The following SLC9A3 variants were observed in gnomAD, a reference collection of about 807,000 sequenced individuals.
SLC9A3 encodes solute carrier family 9 member A3.
Under a neutral mutation model 86.8 loss-of-function variants are expected in SLC9A3, and 37 were observed. The observed-to-expected ratio is 0.43, with a 90% CI of 0.33 to 0.56. SLC9A3 has a LOEUF of 0.56. Ranked by LOEUF, SLC9A3 falls within the 20% of genes least tolerant of loss-of-function variation. SLC9A3 has a pLI of 0.06. For synonymous variants in SLC9A3, 581 were observed against 528.3 expected, an observed-to-expected ratio of 1.10 and a Z score of -1.37; for missense variants, 1,011 against 1,171.9, an observed-to-expected ratio of 0.86 and a Z score of 2.00.
At chr5:521,561 G>C (rs1271221910) in intron 1 of SLC9A3, among the ~76,000 whole-genome samples, 1 of 152,258 alleles carries the variant, frequency 6.6e-6, no homozygotes, top group African/African-American at 2.4e-5. Context: ...TCTGCTGGAA[G>C]AGACATTTCT....
chr5:472,638 C>T lies in SLC9A3; in HGVS notation c.*741G>A, dbSNP rs890443726. 1 of 458,788 alleles carries T rather than the reference C, an allele frequency of 2.2e-6. No homozygotes were observed. Among genetic ancestry groups the T allele is most frequent in the African/African-American group, 2.0e-5 (1 of 49,064 alleles). 28.4% of individuals were successfully genotyped at this position (458,788 alleles called of 1,614,324 possible). On this transcript the variant is annotated 3_prime_UTR_variant, in exon 17 of 17. Coordinates refer to ENST00000264938, the MANE Select transcript of SLC9A3 (RefSeq NM_004174.4). ...GGTACTGGCTTTAGGAGTCTAAATC[C>T]CCAAACGCTGAGCAGACGGAAGACG...
At chr5:521,639 A>G (rs1054867908) in intron 1 of SLC9A3, among the ~76,000 whole-genome samples, 1 of 152,192 alleles carries the variant, frequency 6.6e-6, no homozygotes, top group Admixed American at 6.5e-5. Context: ...AAATGTGCCA[A>G]GCAGCTTAGT....
At chr5:513,705 GT>G (rs1235085797) in intron 1 of SLC9A3, among the ~76,000 whole-genome samples, 1 of 152,198 alleles carries the variant, frequency 6.6e-6, no homozygotes, top group Non-Finnish European at 1.5e-5. Context: ...GACAGCTCTG[GT>G]GGGCAGACAG....
chr5:510,691 C>T (rs911745203), intron 1 of SLC9A3, among the ~76,000 whole-genome samples: 4 of 152,212 alleles, frequency 2.6e-5, no homozygotes, highest in Admixed American at 6.5e-5. Context: ...CCCAGGCAGG[C>T]GGCCGTGGAT....
chr5:476,826 C>G (rs1475508442), intron 11 of SLC9A3, among the ~76,000 whole-genome samples, 154 bp from the exon 12 acceptor site: 1 of 152,254 alleles, frequency 6.6e-6, no homozygotes, highest in African/African-American at 2.4e-5. Flanking sequence ...ACGGGGACAT[C>G]TGCCATCTGG....
At chr5:473,711 T>C (rs183635347) in intron 16 of SLC9A3, among the ~76,000 whole-genome samples, 106 of 152,220 alleles carry the variant, frequency 7.0e-4, no homozygotes, top group African/African-American at 2.5e-3. Flanking sequence ...TTCCTCCATC[T>C]CAAACCGCCC....
chr5:490,611 C>A (rs2126628724), intron 2 of SLC9A3, among the ~76,000 whole-genome samples: 1 of 152,234 alleles, frequency 6.6e-6, no homozygotes, highest in African/African-American at 2.4e-5. Context: ...CTCGACACAG[C>A]TGGGAGGAAG....
chr5:505,921 C>A (rs1740557749), intron 1 of SLC9A3, among the ~76,000 whole-genome samples: 1 of 151,004 alleles, frequency 6.6e-6, no homozygotes, highest in South Asian at 2.1e-4. Flanking sequence ...GGCCCCCTCA[C>A]TTTGGGGTGG....
At chr5:477,733 G>A in intron 10 of SLC9A3, 1 of 365,018 alleles carries the variant, frequency 2.7e-6, no homozygotes, top group Non-Finnish European at 5.0e-6. Flanking sequence ...GGGTAAAGCT[G>A]CCTGGGACTT....
At chr5:481,079 G>A (rs6879351) in intron 9 of SLC9A3, among the ~76,000 whole-genome samples, 81,730 of 151,934 alleles carry the variant, frequency 0.54, 22,656 homozygotes, top group African/African-American at 0.66. Flanking sequence ...TAGTAGAGAC[G>A]GGGTTTCACC....
At chr5:514,595 TA>T (rs2126654272) in intron 1 of SLC9A3, among the ~76,000 whole-genome samples, 1 of 152,358 alleles carries the variant, frequency 6.6e-6, no homozygotes, top group African/African-American at 2.4e-5. Context: ...GGCCGGGTTC[TA>T]AGGGGAATCT....
At chr5:476,719 G>C in intron 11 of SLC9A3, 47 bp from the exon 12 acceptor site, 1 of 1,591,676 alleles carries the variant, frequency 6.3e-7, no homozygotes, top group Non-Finnish European at 8.5e-7. Flanking sequence ...TCAGGGTGGG[G>C]TCTCTTGCGC....
intron 14 of SLC9A3, 82 bp downstream of exon 14, chr5:475,938 G>A: frequency 3.2e-6 from 4 of 1,237,272 alleles, no homozygotes; most frequent in South Asian, 1.5e-5. Context: ...GGTCCTGAGA[G>A]GGGAGGTTCC....
intron 1 of SLC9A3, among the ~76,000 whole-genome samples, chr5:494,746 C>T (rs60072495): frequency 0.18 from 27,584 of 152,218 alleles, 3,151 homozygotes; most frequent in Non-Finnish European, 0.25. Flanking sequence ...CTGTCCTTGG[C>T]GACGTCGTCA....
chr5:502,272 C>G (rs62330270), intron 1 of SLC9A3, among the ~76,000 whole-genome samples: 1 of 152,350 alleles, frequency 6.6e-6, no homozygotes, highest in African/African-American at 2.4e-5. Flanking sequence ...GGGACCCAGC[C>G]GCTCCGGCCC....
Position 472,623 on chromosome 5 carries a change from T to A in SLC9A3, c.*756A>T, listed in dbSNP as rs899117822. 2.0e-5 allele frequency: 9 copies of A among 441,864 alleles called. No individual in the cohort carries two copies. Among genetic ancestry groups the A allele is most frequent in the Non-Finnish European group, 3.6e-5 (8 of 222,486 alleles). 27.4% of individuals were successfully genotyped at this position (441,864 alleles called of 1,614,324 possible). ...GGGGGAAACGGGGCAGGTACTGGCT[T>A]TAGGAGTCTAAATCCCCAAACGCTG... is the stretch of plus-strand genomic sequence containing the variant. On this transcript the variant is annotated 3_prime_UTR_variant, in exon 17 of 17. Transcript: ENST00000264938.
At chr5:501,047 A>G (rs1382882074) in intron 1 of SLC9A3, among the ~76,000 whole-genome samples, 1 of 152,206 alleles carries the variant, frequency 6.6e-6, no homozygotes, top group Non-Finnish European at 1.5e-5. Flanking sequence ...CTGGAGAGTC[A>G]CAGCTAATTA....
chr5:482,621 C>T lies in SLC9A3; in HGVS notation c.1283G>A (p.Gly428Glu). The stretch of plus-strand genomic sequence containing the variant: ...CAGGTTCTTCTCCTTGACCTTGTCT[C>T]CATCCAGAAGCACCACCAGGGCAAA... ...VAFALVVLLD[G>E]DKVKEKNLFV... Residue 428 changes from glycine (G) to glutamate (E), a missense_variant, in exon 7 of 17, where the codon GGA becomes GAA. Around this residue, in one of 3 missense-constraint regions of SLC9A3, gnomAD observed 565 missense variants for 790.0 expected, o/e 0.72. Coordinates refer to ENST00000264938, the MANE Select transcript of SLC9A3 (RefSeq NM_004174.4). The T allele has an allele frequency of 1.2e-6, 2 of 1,612,844 alleles. No homozygotes were observed. Among genetic ancestry groups the T allele is most frequent in the Non-Finnish European group, 1.7e-6 (2 of 1,179,916 alleles).
chr5:488,307 G>A lies in SLC9A3; in HGVS notation c.675+9C>T, dbSNP rs541182998. The A allele has an allele frequency of 3.5e-5, 57 of 1,612,264 alleles. No individual in the cohort carries two copies. Among genetic ancestry groups the A allele is most frequent in the Admixed American group, 3.5e-4 (21 of 59,966 alleles). ...TCGCCCGCTCTGGAGCGGTGGCTCC[G>A]TTGCTCACCACGGTGACTGCGTCGT... On this transcript the variant is annotated intron_variant, in intron 3 of 16. Transcript: ENST00000264938.
Sources: gnomAD v4.1 joint callset for allele counts (sites outside exome capture counted in the v4.1 genomes callset) on GRCh38, gnomAD v4.1.1 for gene constraint, gnomAD v4.1.1 regional missense constraint, MANE v1.5 for transcripts, NCBI Gene and HGNC (gene_info 2026-07-23, HGNC 2026-07-21) for gene names.